The following TENM2 variants were observed in gnomAD, a reference collection of about 807,000 sequenced individuals.
TENM2 encodes teneurin transmembrane protein 2, also known as teneurin-2.
TENM2 carries 52 observed loss-of-function variants against 245.2 expected under a neutral mutation model. The observed-to-expected ratio is 0.21, with a 90% CI of 0.17 to 0.27. TENM2 has a LOEUF of 0.27. Among genes scored for constraint, TENM2 ranks in the 10% least tolerant of loss-of-function variants. The pLI is 1.00. For missense variants in TENM2, 3,046 were observed against 3,666.8 expected (o/e 0.83, Z 4.37); for synonymous variants, 1,363 against 1,438.9 (o/e 0.95, Z 1.19).
chr5:167,218,060 G>T, the TENM2 span, among the ~76,000 whole-genome samples: 3 of 152,094 alleles, frequency 2.0e-5, no homozygotes, highest in Admixed American at 2.0e-4. Context: ...TTTATGAGAT[G>T]TAATGCCAAC....
At chr5:168,214,990 C>A in intron 20 of TENM2, 50 bp from the exon 23 acceptor site, 2 of 1,512,122 alleles carry the variant, frequency 1.3e-6, no homozygotes, top group Non-Finnish European at 1.8e-6. Flanking sequence ...ATCTAGGAGG[C>A]CAGCTCCATA....
At chr5:167,803,262 G>T (rs1457129701) in intron 2 of TENM2, among the ~76,000 whole-genome samples, 2 of 152,144 alleles carry the variant, frequency 1.3e-5, no homozygotes, top group African/African-American at 4.8e-5. Context: ...AATTCCACCA[G>T]TCAAGGTTTC....
At chr5:167,926,035 A>G (rs248136) in intron 3 of TENM2, among the ~76,000 whole-genome samples, 1 of 152,006 alleles carries the variant, frequency 6.6e-6, no homozygotes, top group Non-Finnish European at 1.5e-5. Flanking sequence ...ATGAAATAAT[A>G]TGTACAACAA....
intron 2 of TENM2, among the ~76,000 whole-genome samples, chr5:167,683,645 G>T (rs1014170612): frequency 1.3e-5 from 2 of 152,102 alleles, no homozygotes; most frequent in Non-Finnish European, 2.9e-5. Flanking sequence ...AACCATATTT[G>T]TCAGACCTGA....
intron 3 of TENM2, among the ~76,000 whole-genome samples, chr5:167,909,900 G>T (rs1195527545): frequency 6.8e-6 from 1 of 147,966 alleles, no homozygotes; most frequent in Non-Finnish European, 1.5e-5. Flanking sequence ...CTTTGAAATT[G>T]TGAGTAAGGC....
At chr5:167,798,949 C>G (rs760194877) in intron 2 of TENM2, among the ~76,000 whole-genome samples, 12 of 152,174 alleles carry the variant, frequency 7.9e-5, no homozygotes, top group South Asian at 2.1e-4. Flanking sequence ...CCCAATTGTC[C>G]CCACCTCTGC....
At chr5:167,626,877 C>T (rs933590213) in intron 2 of TENM2, among the ~76,000 whole-genome samples, 2 of 152,262 alleles carry the variant, frequency 1.3e-5, no homozygotes, top group Admixed American at 6.5e-5. Context: ...GCAGTAACAC[C>T]GGGGCCGCCA....
chr5:167,510,844 T>C (rs181614523), intron 2 of TENM2, among the ~76,000 whole-genome samples: 2 of 152,288 alleles, frequency 1.3e-5, no homozygotes, highest in East Asian at 3.9e-4. Flanking sequence ...GTGCAAAATC[T>C]TCAGTCTCAC....
chr5:167,429,326 T>C (rs761467947), intron 2 of TENM2, among the ~76,000 whole-genome samples: 46 of 152,170 alleles, frequency 3.0e-4, no homozygotes, highest in Non-Finnish European at 5.6e-4. Flanking sequence ...TTGCCTCCTA[T>C]GTTTCTCAAA....
rs547095950 is a variant in TENM2 at position 167,683,668 on chromosome 5, TC to T, written c.503-192317del. ...TTGTCAGACCTGAAATTTATGTTTC[TC>T]TGAAAGGGGCACCTGACATTATAAT... On this transcript the variant is annotated intron_variant, in intron 2 of 28. Transcript: ENST00000518659. 1.7e-3 allele frequency among the ~76,000 whole-genome samples: 266 copies of T among 152,276 alleles called. 3 individuals are homozygous for T. Among genetic ancestry groups the T allele is most frequent in the African/African-American group, 6.3e-3 (263 of 41,548 alleles).
chr5:167,235,369 C>T, the TENM2 span, among the ~76,000 whole-genome samples: 9 of 152,272 alleles, frequency 5.9e-5, no homozygotes, highest in South Asian at 1.9e-3. Flanking sequence ...CAGCCTGTAA[C>T]ACTGCCCTTT....
chr5:167,193,107 G>A, the TENM2 span, among the ~76,000 whole-genome samples: 1 of 152,022 alleles, frequency 6.6e-6, no homozygotes, highest in South Asian at 2.1e-4. Flanking sequence ...AGGGGAGGGA[G>A]GGAGCGAGGA....
chr5:167,515,052 G>A (rs528808519), intron 2 of TENM2, among the ~76,000 whole-genome samples: 2 of 152,208 alleles, frequency 1.3e-5, no homozygotes, highest in South Asian at 4.1e-4. Context: ...TAAACTGCAT[G>A]TATGGAAAGG....
At chr5:167,213,691 A>T in the TENM2 span, among the ~76,000 whole-genome samples, 1 of 152,236 alleles carries the variant, frequency 6.6e-6, no homozygotes, top group African/African-American at 2.4e-5. Flanking sequence ...AGCTTATATT[A>T]TTCATTTAGA....
chr5:167,121,843 G>C, the TENM2 span, among the ~76,000 whole-genome samples: 1 of 152,210 alleles, frequency 6.6e-6, no homozygotes, highest in East Asian at 1.9e-4. Context: ...TTTCCTTCAA[G>C]TGACCTTAGT....
intron 10 of TENM2, 40 bp from the exon 13 acceptor site, chr5:168,124,810 A>G: frequency 6.4e-7 from 1 of 1,550,874 alleles, no homozygotes; most frequent in Non-Finnish European, 8.7e-7. Flanking sequence ...ATGGGTGATT[A>G]ATACTTTTAT....
At chr5:168,094,276 T>C (rs1458261659) in intron 8 of TENM2, among the ~76,000 whole-genome samples, 1 of 152,098 alleles carries the variant, frequency 6.6e-6, no homozygotes, top group African/African-American at 2.4e-5. Context: ...GCAAAGAGAC[T>C]GTGCAAAGAT....
At chr5:167,245,933 A>T in the TENM2 span, among the ~76,000 whole-genome samples, 1 of 152,098 alleles carries the variant, frequency 6.6e-6, no homozygotes, top group Non-Finnish European at 1.5e-5. Flanking sequence ...CCCTCCCACT[A>T]AACTGGGGTA....
At position 168,094,592 on chromosome 5, in the gene TENM2, G is replaced by A. The variant is rs558039167; in HGVS notation, c.1712-3434G>A. Among the ~76,000 whole-genome samples, 147 of 151,990 alleles carry A rather than the reference G, an allele frequency of 9.7e-4. 2 individuals carry two copies. In the South Asian group the frequency reaches 0.029, roughly 29 times the overall value. On this transcript the variant is annotated intron_variant, in intron 8 of 28. Coordinates refer to ENST00000518659, the Ensembl canonical transcript of TENM2. ...AGCAGGGGTCCTCAACCCTAGGGCC[G>A]CAGATCAGTATTCACCATAATGTCA...
Sources: gnomAD v4.1 joint callset for allele counts (sites outside exome capture counted in the v4.1 genomes callset) on GRCh38, gnomAD v4.1.1 for gene constraint, MANE v1.5 for transcripts, NCBI Gene and HGNC (gene_info 2026-07-23, HGNC 2026-07-21) for gene names.